The following GARNL3 variants were observed in gnomAD, a reference collection of about 807,000 sequenced individuals.
GARNL3 encodes GTPase-activating Rap/Ran-GAP domain-like protein 3.
GARNL3 carries 63 observed loss-of-function variants against 125.0 expected under a neutral mutation model. That is an observed-to-expected ratio of 0.50 (90% CI 0.41 to 0.62). GARNL3 has a LOEUF of 0.62. Ranked by LOEUF, GARNL3 falls within the 20% of genes least tolerant of loss-of-function variation. The pLI, the probability that GARNL3 is intolerant of heterozygous loss-of-function variation, is 0.00. For missense variants in GARNL3, 994 were observed against 1,244.0 expected (o/e 0.80, Z 3.02); for synonymous variants, 439 against 457.5 (o/e 0.96, Z 0.52).
chr9:127,315,769 T>G (rs1326636003), intron 4 of GARNL3, among the ~76,000 whole-genome samples: 1 of 152,056 alleles, frequency 6.6e-6, no homozygotes, highest in East Asian at 1.9e-4. Flanking sequence ...AAATAAAATA[T>G]GAAAAATGAT....
In GARNL3 at chr9:127,264,901, G is replaced by T; in HGVS notation, c.24G>T (p.Arg8Ser). 1 of 1,595,844 alleles carries T rather than the reference G, an allele frequency of 6.3e-7. No individual in the cohort carries two copies. The highest frequency in any genetic ancestry group is 8.6e-7 in the Non-Finnish European group (1 of 1,169,416). The change falls in exon 1 of 28, where the codon AGG (arginine) becomes AGT (serine). Residue 8 changes from arginine to serine, a missense_variant. Transcript: ENST00000373387. MVVDFCRRFVARSLCIIL... is the reference protein window; with the variant it reads MVVDFCRSFVARSLCIIL... ...AAATGGTAGTTGATTTTTGCAGAAG[G>T]TTTGTGGCCAGATCGCTATGTATAA... is the stretch of plus-strand genomic sequence containing the variant.
chr9:127,347,309 C>G (rs1346650559), intron 16 of GARNL3, among the ~76,000 whole-genome samples: 2 of 152,126 alleles, frequency 1.3e-5, no homozygotes, highest in East Asian at 3.9e-4. Context: ...ATGGTCCCAA[C>G]TACTCAGGAG....
intron 3 of GARNL3, among the ~76,000 whole-genome samples, chr9:127,313,168 A>G (rs2065140891): frequency 6.6e-6 from 1 of 152,144 alleles, no homozygotes; most frequent in Admixed American, 6.5e-5. Context: ...GACGGTATTT[A>G]GGAGTGAGGA....
chr9:127,340,660 T>G (rs10987598), intron 13 of GARNL3, among the ~76,000 whole-genome samples: 24,916 of 149,730 alleles, frequency 0.17, 2,700 homozygotes, highest in South Asian at 0.36. Context: ...CTCTTCACTC[T>G]GTCCGTCCTG....
intron 1 of GARNL3, among the ~76,000 whole-genome samples, chr9:127,275,134 T>G (rs939390782): frequency 1.3e-5 from 2 of 152,362 alleles, no homozygotes; most frequent in Admixed American, 6.5e-5. Context: ...CAATAGAATA[T>G]ATTTTGTTTT....
chr9:127,232,651 C>G (rs1462875218), intron 1 of GARNL3, among the ~76,000 whole-genome samples: 1 of 152,272 alleles, frequency 6.6e-6, no homozygotes, highest in South Asian at 2.1e-4. Context: ...AGTGCCTTAC[C>G]AGTAGTTAAA....
intron 1 of GARNL3, among the ~76,000 whole-genome samples, chr9:127,269,087 C>T (rs961592890): frequency 6.6e-6 from 1 of 152,156 alleles, no homozygotes; most frequent in African/African-American, 2.4e-5. Context: ...CAGCCTTGAC[C>T]TCCTGGGCTC....
At chr9:127,298,605 A>G (rs1419160286) in intron 2 of GARNL3, among the ~76,000 whole-genome samples, 1 of 152,200 alleles carries the variant, frequency 6.6e-6, no homozygotes, top group Non-Finnish European at 1.5e-5. Context: ...AATTTTTTAT[A>G]TTATAAATAA....
In GARNL3 at chr9:127,264,798, C is replaced by A; in HGVS notation, c.-80C>A. 7.4e-7 allele frequency: 1 copy of A among 1,350,596 alleles called. No homozygotes were observed. The highest frequency in any genetic ancestry group is 9.6e-7 in the Non-Finnish European group (1 of 1,040,824). The allele number at this position is 1,350,596 out of a possible 1,614,324, so 83.7% of individuals were successfully genotyped here. A position where few individuals can be genotyped will look rare whatever the true frequency, so the allele number is the denominator to read the frequency against. ...CAGGCTCTGCAATGGCTGCTGGGGA[C>A]TGTGTCTGTTGCAAGGAGGCTCCCC... On this transcript the variant is annotated 5_prime_UTR_variant, in exon 1 of 28. It adds an upstream start codon to the 5' untranslated region. Transcript: ENST00000373387.
At chr9:127,247,344 TGG>T (rs2063322089) in intron 2 of GARNL3, among the ~76,000 whole-genome samples, 6 of 152,176 alleles carry the variant, frequency 3.9e-5, no homozygotes, top group Admixed American at 3.9e-4. Context: ...AGAGAATATA[TGG>T]GTTCATGGAA....
rs541560492 is a variant in GARNL3, at chr9:127,303,847, C to A, written c.220-7789C>A. The stretch of plus-strand genomic sequence containing the variant: ...ATCCTGGCCAGATTCAGTCTTCCTC[C>A]GTCACATCCCACAAGTATAAGTAGG... On this transcript the variant is annotated intron_variant, in intron 2 of 27. Transcript: ENST00000373387. 4.6e-5 allele frequency among the ~76,000 whole-genome samples: 7 copies of A among 152,188 alleles called. No homozygotes were observed. In the South Asian group the frequency reaches 1.4e-3, roughly 32 times the overall value.
intron 21 of GARNL3, chr9:127,365,036 C>T (rs373204240): frequency 1.9e-4 from 87 of 447,374 alleles, no homozygotes; most frequent in Non-Finnish European, 3.2e-4. Flanking sequence ...TTCTCAACGG[C>T]TATGAAAAGA....
chr9:127,257,443 G>T (rs1445287353), intron 2 of GARNL3, among the ~76,000 whole-genome samples: 3 of 152,170 alleles, frequency 2.0e-5, no homozygotes, highest in Admixed American at 6.5e-5. Context: ...ATTTGGTATG[G>T]TTACTATTTT....
At chr9:127,233,221 C>T (rs2063050803) in intron 1 of GARNL3, among the ~76,000 whole-genome samples, 3 of 152,304 alleles carry the variant, frequency 2.0e-5, no homozygotes, top group Middle Eastern at 3.4e-3. Context: ...AACCCTGTCT[C>T]TTAAAATAAC....
intron 16 of GARNL3, among the ~76,000 whole-genome samples, chr9:127,348,684 G>A (rs1228165350): frequency 2.6e-5 from 4 of 152,170 alleles, no homozygotes; most frequent in Admixed American, 6.5e-5. Context: ...ATAATACAGA[G>A]ACAGGTTATG....
chr9:127,335,384 C>T (rs1210037713), intron 10 of GARNL3, 51 bp downstream of exon 10: 1 of 1,345,526 alleles, frequency 7.4e-7, no homozygotes, highest in Non-Finnish European at 1.1e-6. Context: ...GTGGAGAGGG[C>T]ACCATTATGA....
At chr9:127,355,186 C>T in intron 19 of GARNL3, 111 bp from the exon 20 acceptor site, 2 of 799,916 alleles carry the variant, frequency 2.5e-6, no homozygotes, top group Non-Finnish European at 2.1e-6. Context: ...TCAGTCCATT[C>T]ACTGAGTTAT....
intron 6 of GARNL3, among the ~76,000 whole-genome samples, chr9:127,323,830 A>G (rs1484078362): frequency 6.6e-6 from 1 of 152,208 alleles, no homozygotes; most frequent in African/African-American, 2.4e-5. Flanking sequence ...AAAAACCACA[A>G]GGTGTTGAGG....
intron 1 of GARNL3, among the ~76,000 whole-genome samples, chr9:127,232,687 A>G (rs75560104): frequency 1.3e-5 from 2 of 152,312 alleles, no homozygotes; most frequent in East Asian, 3.9e-4. Flanking sequence ...GTCAAAATCT[A>G]TGAATGACAA....
Sources: gnomAD v4.1 joint callset for allele counts (sites outside exome capture counted in the v4.1 genomes callset) on GRCh38, gnomAD v4.1.1 for gene constraint, MANE v1.5 for transcripts, NCBI Gene and HGNC (gene_info 2026-07-23, HGNC 2026-07-21) for gene names.